The following KREMEN2 variants were observed in gnomAD, a reference collection of about 807,000 sequenced individuals.
KREMEN2 encodes kremen protein 2.
A neutral mutation model predicts 49.8 loss-of-function variants in KREMEN2; 43 were observed. The observed-to-expected ratio is 0.86, with a 90% confidence interval of 0.68 to 1.11. The LOEUF (loss-of-function observed/expected upper bound fraction) is 1.11. Among genes scored for constraint, KREMEN2 ranks in the 50% most tolerant of loss-of-function variants. KREMEN2 has a pLI of 0.00. For synonymous variants in KREMEN2, 355 were observed against 304.9 expected, an observed-to-expected ratio of 1.16 and a Z score of -1.71; for missense variants, 686 against 665.7, an observed-to-expected ratio of 1.03 and a Z score of -0.34.
At chr16:2,967,296 C>CCCGCCTCACGCCCCTCT in intron 6 of KREMEN2, 24 bp from the exon 7 acceptor site, 1 of 1,369,360 alleles carries the variant, frequency 7.3e-7, no homozygotes, top group South Asian at 1.7e-5. Flanking sequence ...CTCTCCCCAC[C>CCCGCCTCACGCCCCTCT]CCGCCTCACG....
chr16:2,966,233 T>A lies in KREMEN2; in HGVS notation c.361+2T>A. On this transcript the variant is annotated splice_donor_variant, in intron 3 of 8. Transcript: ENST00000303746. LOFTEE classifies it high-confidence loss of function. The surrounding 1 kb of genome is among the most constrained non-coding windows in gnomAD (Gnocchi z 8.4). The stretch of plus-strand genomic sequence containing the variant: ...ACTGCGACATCCCCTCCTGTCACAG[T>A]GAGTAGCGCGGCTGGACAGAGGTGG... The A allele has an allele frequency of 6.2e-7, 1 of 1,613,244 alleles. No homozygotes were observed. The highest frequency in any genetic ancestry group is 8.5e-7 in the Non-Finnish European group (1 of 1,179,950).
Position 2,964,445 on chromosome 16 carries a change from T to C in KREMEN2, c.-76T>C, listed in dbSNP as rs572646973. On this transcript the variant is annotated 5_prime_UTR_variant, in exon 1 of 9. Transcript: ENST00000303746. ...AGAGGACAACGCCCCCTAGGTCTCC[T>C]GGGAGACCCCGAAGCGACCCCGGGG... 83 of 1,059,030 alleles carry C rather than the reference T, an allele frequency of 7.8e-5. 2 individuals carry two copies. In the South Asian group the frequency reaches 1.3e-3, roughly 16 times the overall value. The allele number at this position is 1,059,030 out of a possible 1,614,324, so 65.6% of individuals were successfully genotyped here. A position where few individuals can be genotyped will look rare whatever the true frequency, so the allele number is the denominator to read the frequency against.
rs950466960 is a variant in KREMEN2, at chr16:2,966,086, G to C, written c.270-54G>C. ...GAGCATAGGCTGCGGGGCCGGGCCT[G>C]GGTTTGCTATTCTTGGGGTGGTGGG... On this transcript the variant is annotated intron_variant, in intron 2 of 8. Transcript: ENST00000303746. The surrounding 1 kb of genome is among the most constrained non-coding windows in gnomAD (Gnocchi z 8.4). 6.6e-7 allele frequency: 1 copy of C among 1,522,832 alleles called. No homozygotes were observed. The highest frequency in any genetic ancestry group is 9.1e-7 in the Non-Finnish European group (1 of 1,100,606). The allele number at this position is 1,522,832 out of a possible 1,614,324, so 94.3% of individuals were successfully genotyped here.
At position 2,967,800 on chromosome 16, in the gene KREMEN2, C is replaced by G. The variant is rs946961396; in HGVS notation, c.1179-10C>G. ...TGGACCGGCTCGGCTGATGTCTGCT[C>G]CCTCTCTAGGAGCTGTCTGCTGGCT... is the stretch of plus-strand genomic sequence containing the variant. On this transcript the variant is annotated splice_polypyrimidine_tract_variant and intron_variant, in intron 8 of 8. Coordinates refer to ENST00000303746, the MANE Select transcript of KREMEN2 (RefSeq NM_172229.3). 1.9e-6 allele frequency: 3 copies of G among 1,549,476 alleles called. No homozygotes were observed. Among genetic ancestry groups the G allele is most frequent in the African/African-American group, 1.4e-5 (1 of 73,016 alleles).
In KREMEN2 at chr16:2,968,086, G is replaced by A. The variant is rs1216428201; in HGVS notation, c.*66G>A. On this transcript the variant is annotated 3_prime_UTR_variant, in exon 9 of 9. Transcript: ENST00000303746. Reference sequence around the variant, plus strand: ...ATGGACACCTGAGATGCTGTGCTGCGCCCTGCCTCGGCCTTGCGCCTGTGT... The same window carrying A: ...ATGGACACCTGAGATGCTGTGCTGCACCCTGCCTCGGCCTTGCGCCTGTGT... The A allele has an allele frequency of 2.7e-6, 4 of 1,462,084 alleles. No homozygotes were observed. Among genetic ancestry groups the A allele is most frequent in the East Asian group, 2.5e-5 (1 of 40,550 alleles). The allele number at this position is 1,462,084 out of a possible 1,614,324, so 90.6% of individuals were successfully genotyped here.
intron 2 of KREMEN2, among the ~76,000 whole-genome samples, 174 bp downstream of exon 2, chr16:2,965,207 C>G (rs1158047094): frequency 6.6e-6 from 1 of 151,538 alleles, no homozygotes; most frequent in African/African-American, 2.4e-5. Context: ...GGGCGGGGCG[C>G]GCGGAACCCT....
chr16:2,967,059 G>C lies in KREMEN2; in HGVS notation c.790G>C (p.Glu264Gln), dbSNP rs893583369. ...GCTGGAGCTCACCTTCCGCCTCTTC[G>C]AGCTGGCCGACCCGCGCGACCGGCT... ...AALELTFRLF[E>Q]LADPRDRLEL... The change falls in exon 6 of 9, where the codon GAG (glutamate) becomes CAG (glutamine). Residue 264 changes from glutamate (E) to glutamine (Q), a missense_variant. Transcript: ENST00000303746. 5.9e-6 allele frequency: 9 copies of C among 1,531,570 alleles called. No homozygotes were observed. The East Asian group carries it at 7.6e-5, about 13-fold the overall frequency. 94.9% of individuals were successfully genotyped at this position (1,531,570 alleles called of 1,614,324 possible).
In KREMEN2 at chr16:2,966,826, GCGGGCCTCGAGGTGGGGCCTGGC is replaced by G. The variant is rs775782478; in HGVS notation, c.640+37_641-56del. On this transcript the variant is annotated intron_variant, in intron 5 of 8. Transcript: ENST00000303746. The surrounding 1 kb of genome is among the most constrained non-coding windows in gnomAD (Gnocchi z 8.4). Reference sequence around the variant, plus strand: ...GAGTGGGCGGGGACCAGGGGCCTGGGCGGGCCTCGAGGTGGGGCCTGGCCGGGCAGGGGAGCCGCCGTGTCCTG... The same window carrying G: ...GAGTGGGCGGGGACCAGGGGCCTGGGCGGGCAGGGGAGCCGCCGTGTCCTG... 7.5e-6 allele frequency: 12 copies of G among 1,601,994 alleles called. No homozygotes were observed. The East Asian group carries it at 2.7e-4, about 36-fold the overall frequency.
At position 2,964,427 on chromosome 16, in the gene KREMEN2, A is replaced by G; in HGVS notation, c.-94A>G. The G allele has an allele frequency of 1.2e-6, 1 of 837,598 alleles. No individual in the cohort carries two copies. The highest frequency in any genetic ancestry group is 1.8e-5 in the African/African-American group (1 of 55,908). 51.9% of individuals were successfully genotyped at this position (837,598 alleles called of 1,614,324 possible). Reference sequence around the variant, plus strand: ...GGACGAGGGGAGACTGTCAGAGGACAACGCCCCCTAGGTCTCCTGGGAGAC... The same window carrying G: ...GGACGAGGGGAGACTGTCAGAGGACGACGCCCCCTAGGTCTCCTGGGAGAC... On this transcript the variant is annotated 5_prime_UTR_variant, in exon 1 of 9. Transcript: ENST00000303746.
intron 2 of KREMEN2, among the ~76,000 whole-genome samples, chr16:2,965,338 C>T (rs2071798204): frequency 6.6e-6 from 1 of 151,874 alleles, no homozygotes; most frequent in Non-Finnish European, 1.5e-5. Flanking sequence ...AGAGCGGGGG[C>T]CGAATGGGCG....
chr16:2,966,953 C>A lies in KREMEN2; in HGVS notation c.684C>A (p.Gly228=), dbSNP rs754045323. 1 of 1,557,030 alleles carries A rather than the reference C, an allele frequency of 6.4e-7. No homozygotes were observed. ...AGGGGAACTGGACAGCGCCTCAGGG[C>A]GTCATCTACTCCCCGGACTTCCCGG... is the stretch of plus-strand genomic sequence containing the variant. ...SCQGNWTAPQ[G]VIYSPDFPDE... The change falls in exon 6 of 9, where the codon GGC becomes GGA. Residue 228 remains glycine (G), a synonymous_variant. Coordinates refer to ENST00000303746, the MANE Select transcript of KREMEN2 (RefSeq NM_172229.3). This position sits in a 1 kb window ranked among gnomAD's most constrained non-coding sequence, Gnocchi z 8.4.
At position 2,967,834 on chromosome 16, in the gene KREMEN2, AG is replaced by A. The variant is rs781109968; in HGVS notation, c.1206del (p.Pro404ArgfsTer44). The stretch of plus-strand genomic sequence containing the variant: ...GGAGCTGTCTGCTGGCTCCGGGAAA[AG>A]GGCCCCCGGCGCTGGGGGCTTCCAG... ...RRSCLLAPGK[G>X]PPALGASRGP... On this transcript the variant is annotated frameshift_variant, in exon 9 of 9. Coordinates refer to ENST00000303746, the MANE Select transcript of KREMEN2 (RefSeq NM_172229.3). LOFTEE classifies it high-confidence loss of function. 65 of 1,550,780 alleles carry A rather than the reference AG, an allele frequency of 4.2e-5. No homozygotes were observed. The highest frequency in any genetic ancestry group is 5.1e-5 in the Non-Finnish European group (58 of 1,147,452).
At position 2,968,309 on chromosome 16, in the gene KREMEN2, G is replaced by C; in HGVS notation, c.*289G>C. ...GGGTGGTCCTGGACTGCCGTCCTCA[G>C]TGAGAGGTCACAGGTCAGCAAAAAC... On this transcript the variant is annotated 3_prime_UTR_variant, in exon 9 of 9. Transcript: ENST00000303746. The C allele has an allele frequency of 6.7e-7, 1 of 1,497,020 alleles. No homozygotes were observed. The highest frequency in any genetic ancestry group is 1.4e-5 in the African/African-American group (1 of 72,326). The allele number at this position is 1,497,020 out of a possible 1,614,324, so 92.7% of individuals were successfully genotyped here.
chr16:2,966,983 G>T lies in KREMEN2; in HGVS notation c.714G>T (p.Glu238Asp), dbSNP rs1267908374. 1 of 1,555,272 alleles carries T rather than the reference G, an allele frequency of 6.4e-7. No individual in the cohort carries two copies. The highest frequency in any genetic ancestry group is 2.4e-5 in the East Asian group (1 of 42,194). ...TCTACTCCCCGGACTTCCCGGACGA[G>T]TACGGGCCGGACCGGAACTGCAGCT... ...GVIYSPDFPD[E>D]YGPDRNCSWA... The change falls in exon 6 of 9, where the codon GAG (glutamate) becomes GAT (aspartate). Residue 238 changes from glutamate (E) to aspartate (D), a missense_variant. Glu to Asp is a conservative substitution (Grantham distance 45, BLOSUM62 2). Transcript: ENST00000303746. This position sits in a 1 kb window ranked among gnomAD's most constrained non-coding sequence, Gnocchi z 8.4.
chr16:2,965,065 C>G, intron 2 of KREMEN2, 32 bp downstream of exon 2: 1 of 1,481,198 alleles, frequency 6.8e-7, no homozygotes, highest in Non-Finnish European at 8.9e-7. Flanking sequence ...GGGGGCGAGG[C>G]TGGGCTCACC....
In KREMEN2 at chr16:2,968,119, G is replaced by C. The variant is rs1003559589; in HGVS notation, c.*99G>C. ...TCGGCCTTGCGCCTGTGTAGGGGCA[G>C]CTCGGCCTCTGGTCGCCTTGGGGAG... is the stretch of plus-strand genomic sequence containing the variant. On this transcript the variant is annotated 3_prime_UTR_variant, in exon 9 of 9. Coordinates refer to ENST00000303746, the MANE Select transcript of KREMEN2 (RefSeq NM_172229.3). 7.8e-7 allele frequency: 1 copy of C among 1,280,152 alleles called. No individual in the cohort carries two copies. The highest frequency in any genetic ancestry group is 1.1e-6 in the Non-Finnish European group (1 of 916,892). The allele number at this position is 1,280,152 out of a possible 1,614,324, so 79.3% of individuals were successfully genotyped here.
rs1302931910 is a variant in KREMEN2 at position 2,966,622 on chromosome 16, C to T, written c.487-20C>T. 1.2e-6 allele frequency: 2 copies of T among 1,606,422 alleles called. No homozygotes were observed. Among genetic ancestry groups the T allele is most frequent in the Admixed American group, 3.3e-5 (2 of 59,822 alleles). Reference sequence around the variant, plus strand: ...CCTACCCCAGCCCCTGCCCTGGGGTCACCCAGTCTGTGCTCCCAGCTGGCG... The same window carrying T: ...CCTACCCCAGCCCCTGCCCTGGGGTTACCCAGTCTGTGCTCCCAGCTGGCG... On this transcript the variant is annotated intron_variant, in intron 4 of 8. Transcript: ENST00000303746. This position sits in a 1 kb window ranked among gnomAD's most constrained non-coding sequence, Gnocchi z 8.4.
In KREMEN2 at chr16:2,964,488, C is replaced by G. The variant is rs1472054029; in HGVS notation, c.-33C>G. The G allele has an allele frequency of 1.3e-6, 2 of 1,496,132 alleles. No homozygotes were observed. Among genetic ancestry groups the G allele is most frequent in the South Asian group, 2.6e-5 (2 of 75,710 alleles). 92.7% of individuals were successfully genotyped at this position (1,496,132 alleles called of 1,614,324 possible). ...CCCCGGGGGCAGCCCGGGCCGTGTC[C>G]GGGCGAGGGTGACCTATCCTTGGTT... On this transcript the variant is annotated 5_prime_UTR_variant, in exon 1 of 9. Transcript: ENST00000303746.
rs1423465904 is a variant in KREMEN2, at chr16:2,967,045, C to A, written c.776C>A (p.Thr259Asn). Reference protein sequence around the residue: ...LGPPGAALELTFRLFELADPR... With the variant: ...LGPPGAALELNFRLFELADPR... ...CCGCCAGGCGCCGCGCTGGAGCTCA[C>A]CTTCCGCCTCTTCGAGCTGGCCGAC... is the stretch of plus-strand genomic sequence containing the variant. Residue 259 changes from threonine to asparagine, a missense_variant, in exon 6 of 9, where the codon ACC becomes AAC. Transcript: ENST00000303746. The A allele has an allele frequency of 3.2e-6, 5 of 1,538,634 alleles. No individual in the cohort carries two copies. The Admixed American group carries it at 9.9e-5, about 30-fold the overall frequency.
Sources: allele counts gnomAD v4.1 joint callset (sites outside exome capture counted in the v4.1 genomes callset), GRCh38; gene constraint gnomAD v4.1.1; non-coding constraint Gnocchi (gnomAD v3.1); transcripts MANE v1.5; gene names NCBI Gene and HGNC (gene_info 2026-07-23, HGNC 2026-07-21).